Variants in IGF2BP2 observed in about 807,000 individuals in gnomAD.
IGF2BP2 encodes insulin like growth factor 2 mRNA binding protein 2.
A neutral mutation model predicts 75.8 loss-of-function variants in IGF2BP2; 17 were observed. That is an observed-to-expected ratio of 0.22 (90% CI 0.15 to 0.34). IGF2BP2 has a LOEUF of 0.34. Ranked by LOEUF, IGF2BP2 falls within the 10% of genes least tolerant of loss-of-function variation. IGF2BP2 has a pLI of 1.00. For missense variants in IGF2BP2, 516 were observed against 772.4 expected, an observed-to-expected ratio of 0.67 and a Z score of 3.93; for synonymous variants, 288 against 295.6, an observed-to-expected ratio of 0.97 and a Z score of 0.26.
chr3:185,822,214 A>G (rs1249302589), intron 2 of IGF2BP2, among the ~76,000 whole-genome samples: 1 of 152,226 alleles, frequency 6.6e-6, no homozygotes, highest in Non-Finnish European at 1.5e-5. Flanking sequence ...AGGTGGTTAA[A>G]CTATTGACTG....
chr3:185,796,633 AAGAG>A (rs1553892634), intron 2 of IGF2BP2, among the ~76,000 whole-genome samples: 1 of 141,986 alleles, frequency 7.0e-6, no homozygotes, highest in East Asian at 2.0e-4. Context: ...AAAAAAAAAA[AAGAG>A]AGAGAGACTA....
chr3:185,812,633 C>T (rs1242543919), intron 2 of IGF2BP2, among the ~76,000 whole-genome samples: 1 of 152,178 alleles, frequency 6.6e-6, no homozygotes, highest in Admixed American at 6.5e-5. Context: ...AGGGTGGGTG[C>T]TTACAAACTG....
chr3:185,740,853 T>C (rs1226998059), intron 2 of IGF2BP2, among the ~76,000 whole-genome samples: 5 of 152,190 alleles, frequency 3.3e-5, no homozygotes, highest in Admixed American at 6.5e-5. Context: ...TGAGGAAATG[T>C]TTGCATATTT....
intron 12 of IGF2BP2, among the ~76,000 whole-genome samples, chr3:185,654,326 G>A (rs1187611625): frequency 2.0e-5 from 3 of 152,188 alleles, no homozygotes; most frequent in Admixed American, 6.5e-5. Flanking sequence ...TGGCCATTGA[G>A]ACTTCTGGCA....
intron 2 of IGF2BP2, among the ~76,000 whole-genome samples, chr3:185,723,613 G>A (rs1315101073): frequency 6.6e-6 from 1 of 152,190 alleles, no homozygotes; most frequent in Non-Finnish European, 1.5e-5. Flanking sequence ...AGCCCCTCAG[G>A]AGGACCGAGT....
intron 2 of IGF2BP2, among the ~76,000 whole-genome samples, chr3:185,747,575 A>G (rs1207267319): frequency 6.6e-6 from 1 of 152,110 alleles, no homozygotes; most frequent in East Asian, 1.9e-4. Flanking sequence ...GCTACTTGAG[A>G]GGCCGAGGCA....
intron 2 of IGF2BP2, among the ~76,000 whole-genome samples, chr3:185,783,289 A>G (rs1735442189): frequency 6.6e-6 from 1 of 152,170 alleles, no homozygotes; most frequent in Non-Finnish European, 1.5e-5. Context: ...CTGCTCTGAG[A>G]AGGTCATGGA....
At chr3:185,668,739 T>C (rs1718065256) in intron 10 of IGF2BP2, among the ~76,000 whole-genome samples, 1 of 151,916 alleles carries the variant, frequency 6.6e-6, no homozygotes, top group South Asian at 2.1e-4. Context: ...AGCCTTAATA[T>C]GTAATTAGCT....
chr3:185,771,744 G>GT (rs962392249), intron 2 of IGF2BP2, among the ~76,000 whole-genome samples: 5 of 151,916 alleles, frequency 3.3e-5, no homozygotes, highest in South Asian at 2.1e-4. Flanking sequence ...TGTCCTCTGA[G>GT]TTTTTTTTAA....
At chr3:185,804,704 CAT>C (rs1280329949) in intron 2 of IGF2BP2, among the ~76,000 whole-genome samples, 1 of 151,674 alleles carries the variant, frequency 6.6e-6, no homozygotes, top group Non-Finnish European at 1.5e-5. Flanking sequence ...TAATTACAAT[CAT>C]AGGCCAGGCA....
At chr3:185,691,294 C>T (rs1721921196) in intron 5 of IGF2BP2, among the ~76,000 whole-genome samples, 1 of 151,142 alleles carries the variant, frequency 6.6e-6, no homozygotes. Flanking sequence ...GATGGGGTTT[C>T]TCCATGTTGG....
chr3:185,713,304 T>A, intron 2 of IGF2BP2: 1 of 411,000 alleles, frequency 2.4e-6, no homozygotes, highest in Non-Finnish European at 4.8e-6. Flanking sequence ...TATTGCGACT[T>A]TGATCTAAAC....
At chr3:185,764,193 TAA>T (rs1014917066) in intron 2 of IGF2BP2, among the ~76,000 whole-genome samples, 8 of 102,444 alleles carry the variant, frequency 7.8e-5, no homozygotes, top group African/African-American at 2.3e-4. Flanking sequence ...ATAAAGTAAA[TAA>T]AAATTATCAC....
intron 7 of IGF2BP2, 99 bp from the exon 8 acceptor site, chr3:185,676,012 T>C: frequency 6.8e-7 from 1 of 1,466,304 alleles, no homozygotes; most frequent in Non-Finnish European, 9.2e-7. Context: ...GAAGTCATTT[T>C]GTTCAGGTAC....
In IGF2BP2 at chr3:185,670,090, G is replaced by C. The variant is rs149993825; in HGVS notation, c.1200+2451C>G. Among the ~76,000 whole-genome samples the C allele has an allele frequency of 3.5e-3, 539 of 152,304 alleles. 2 individuals are homozygous for C. The highest frequency in any genetic ancestry group is 0.014 in the Middle Eastern group (4 of 294). On this transcript the variant is annotated intron_variant, in intron 10 of 15. Transcript: ENST00000382199. ...GAAGCTACTCTAATATTGACCCATG[G>C]AATCAAGATCAGAATTACCTGGTTG...
intron 2 of IGF2BP2, among the ~76,000 whole-genome samples, chr3:185,787,300 T>G (rs959832490): frequency 1.3e-5 from 2 of 152,136 alleles, no homozygotes; most frequent in Non-Finnish European, 2.9e-5. Context: ...CGATGTTATA[T>G]GTATTTTACC....
intron 10 of IGF2BP2, among the ~76,000 whole-genome samples, chr3:185,665,311 CAGAAGG>C (rs1163197926): frequency 1.7e-3 from 16 of 9,510 alleles, no homozygotes; most frequent in Non-Finnish European, 1.7e-3. Context: ...GGAGAAGGAG[CAGAAGG>C]AGAAGGAGGA....
Position 185,645,253 on chromosome 3 carries a change from C to T in IGF2BP2, c.*278G>A, listed in dbSNP as rs1460984328. ...GCGTCGTGGGAGTTCAGGAGAGATC[C>T]GAGTGGATGGTGAAGTGGATGGCTG... On this transcript the variant is annotated 3_prime_UTR_variant, in exon 16 of 16. Coordinates refer to ENST00000382199, the MANE Select transcript of IGF2BP2 (RefSeq NM_006548.6). This position sits in a 1 kb window ranked among gnomAD's most constrained non-coding sequence, Gnocchi z 4.9. The T allele has an allele frequency of 3.0e-5, 15 of 505,218 alleles. No homozygotes were observed. Among genetic ancestry groups the T allele is most frequent in the African/African-American group, 1.5e-4 (8 of 51,974 alleles). The allele number at this position is 505,218 out of a possible 1,614,324, so 31.3% of individuals were successfully genotyped here. A position where few individuals can be genotyped will look rare whatever the true frequency, so the allele number is the denominator to read the frequency against.
intron 12 of IGF2BP2, 31 bp from the exon 13 acceptor site, chr3:185,652,199 GC>G: frequency 2.5e-6 from 4 of 1,574,246 alleles, no homozygotes; most frequent in Non-Finnish European, 2.6e-6. Context: ...AAACGCTGAT[GC>G]TCGGCTGCAT....
Sources: allele counts gnomAD v4.1 joint callset (sites outside exome capture counted in the v4.1 genomes callset), GRCh38; gene constraint gnomAD v4.1.1; non-coding constraint Gnocchi (gnomAD v3.1); transcripts MANE v1.5; gene names NCBI Gene and HGNC (gene_info 2026-07-23, HGNC 2026-07-21).